Variants in LRRC7 observed in about 807,000 individuals in gnomAD.
The protein encoded by LRRC7 is leucine rich repeat containing 7, also known as leucine-rich repeat-containing protein 7.
A neutral mutation model predicts 175.7 loss-of-function variants in LRRC7; 23 were observed. The observed-to-expected ratio is 0.13, with a 90% CI of 0.09 to 0.19. The LOEUF (loss-of-function observed/expected upper bound fraction) is 0.19, where lower values mean the gene tolerates loss of function less well. LRRC7 is among the 10% of genes least tolerant of loss of function. The pLI is 1.00. For missense variants in LRRC7, 1,354 were observed against 1,904.7 expected, an observed-to-expected ratio of 0.71 and a Z score of 5.38; for synonymous variants, 685 against 680.9, an observed-to-expected ratio of 1.01 and a Z score of -0.09.
intron 1 of LRRC7, among the ~76,000 whole-genome samples, chr1:69,638,907 G>A (rs1653786320): frequency 6.6e-6 from 1 of 151,610 alleles, no homozygotes; most frequent in East Asian, 1.9e-4. Context: ...TGTTATAGCA[G>A]GTAGCCATCT....
In LRRC7 at chr1:70,138,412, CT is replaced by C. The variant is rs1284223806; in HGVS notation, c.*16532del. ...AGACATCATTATTCTACTTAAAAGT[CT>C]TTTTTTAAAATTCCAAATACTTGTG... On this transcript the variant is annotated 3_prime_UTR_variant, in exon 27 of 27. Coordinates refer to ENST00000651989, the MANE Select transcript of LRRC7 (RefSeq NM_001370785.2). 1.3e-5 allele frequency: 2 copies of C among 152,190 alleles called. No individual in the cohort carries two copies. Among genetic ancestry groups the C allele is most frequent in the South Asian group, 2.1e-4 (1 of 4,818 alleles). 9.4% of individuals were successfully genotyped at this position (152,190 alleles called of 1,614,324 possible).
intron 1 of LRRC7, among the ~76,000 whole-genome samples, chr1:69,625,999 T>C (rs7531826): frequency 0.64 from 95,418 of 149,190 alleles, 30,473 homozygotes; most frequent in East Asian, 0.95. Context: ...AATTTTGTTA[T>C]TGCTTGTTCA....
chr1:69,872,954 A>T (rs1309414306), intron 7 of LRRC7, among the ~76,000 whole-genome samples: 2 of 152,166 alleles, frequency 1.3e-5, no homozygotes, highest in Non-Finnish European at 2.9e-5. Flanking sequence ...TGGAGAAGAA[A>T]ATTTCATAGA....
chr1:69,803,951 T>C (rs1204951756), intron 4 of LRRC7, among the ~76,000 whole-genome samples: 1 of 151,408 alleles, frequency 6.6e-6, no homozygotes, highest in Admixed American at 6.6e-5. Flanking sequence ...TCTCAAATAG[T>C]ACTATTTTTG....
chr1:69,944,924 G>A (rs914833977), intron 8 of LRRC7, among the ~76,000 whole-genome samples: 13 of 151,842 alleles, frequency 8.6e-5, no homozygotes, highest in Non-Finnish European at 1.9e-4. Context: ...TATCAGATAT[G>A]TAGTTTGCAA....
chr1:70,130,206 G>T lies in LRRC7; in HGVS notation c.*8319G>T, dbSNP rs989670917. On this transcript the variant is annotated 3_prime_UTR_variant, in exon 27 of 27. Transcript: ENST00000651989. ...GAACTTTAAGCTTTTTGAGAGAGAG[G>T]ATCAGACAATACTTAACAAAGGACT... 1.3e-5 allele frequency: 2 copies of T among 152,140 alleles called. No individual in the cohort carries two copies. The highest frequency in any genetic ancestry group is 4.8e-5 in the African/African-American group (2 of 41,420). 9.4% of individuals were successfully genotyped at this position (152,140 alleles called of 1,614,324 possible). A position where few individuals can be genotyped will look rare whatever the true frequency, so the allele number is the denominator to read the frequency against.
chr1:69,711,210 G>C (rs1664712157), intron 2 of LRRC7, among the ~76,000 whole-genome samples: 2 of 152,212 alleles, frequency 1.3e-5, no homozygotes, highest in Admixed American at 6.5e-5. Flanking sequence ...GATAAACTGA[G>C]TGTGGCTGTT....
At chr1:69,687,506 T>C (rs1176113833) in intron 2 of LRRC7, among the ~76,000 whole-genome samples, 8 of 79,606 alleles carry the variant, frequency 1.0e-4, no homozygotes, top group Non-Finnish European at 1.6e-4. Flanking sequence ...CAAGACTCCA[T>C]CTCAAGAAAA....
chr1:70,089,903 G>A (rs568287743), intron 25 of LRRC7, 84 bp downstream of exon 25: 2 of 1,027,180 alleles, frequency 1.9e-6, no homozygotes, highest in Non-Finnish European at 2.9e-6. Flanking sequence ...AAATTCAAGT[G>A]TTTTTGTTGT....
chr1:69,770,296 G>A (rs571182363), intron 3 of LRRC7, among the ~76,000 whole-genome samples: 5 of 152,212 alleles, frequency 3.3e-5, no homozygotes, highest in Middle Eastern at 3.4e-3. Context: ...TCGATGCTTC[G>A]TTTCATTCAC....
At chr1:69,658,066 T>C (rs1409351791) in intron 1 of LRRC7, among the ~76,000 whole-genome samples, 1 of 151,878 alleles carries the variant, frequency 6.6e-6, no homozygotes, top group Non-Finnish European at 1.5e-5. Context: ...TAACAATATG[T>C]ATTCTTAGTA....
chr1:69,819,858 C>T (rs1247529381), intron 4 of LRRC7, among the ~76,000 whole-genome samples: 1 of 152,060 alleles, frequency 6.6e-6, no homozygotes, highest in Non-Finnish European at 1.5e-5. Context: ...GAAATAAGTA[C>T]AGATACTCCT....
intron 7 of LRRC7, among the ~76,000 whole-genome samples, chr1:69,912,936 T>C (rs1646577311): frequency 6.6e-6 from 1 of 152,296 alleles, no homozygotes; most frequent in Non-Finnish European, 1.5e-5. Flanking sequence ...AGGTTACTAA[T>C]GAAGTTACTT....
At chr1:69,882,207 T>C (rs1686689428) in intron 7 of LRRC7, among the ~76,000 whole-genome samples, 1 of 152,114 alleles carries the variant, frequency 6.6e-6, no homozygotes, top group Admixed American at 6.5e-5. Flanking sequence ...ATGGGTATTA[T>C]CAAGAAGACT....
chr1:70,095,962 GTTTTTTTTGT>G lies in LRRC7; in HGVS notation c.4545+6159_4545+6168del, dbSNP rs1558064489. Among the ~76,000 whole-genome samples the G allele has an allele frequency of 1.7e-4, 26 of 151,428 alleles. No homozygotes were observed. The South Asian group carries it at 5.4e-3, about 32-fold the overall frequency. On this transcript the variant is annotated intron_variant, in intron 25 of 26. Transcript: ENST00000651989. ...ACCAAAGTACACATATATGCATGTTGTTTTTTTTGTTTTTTTTTGTTTTTTGTTTTTTGAG... is the reference window on the plus strand; with the variant it reads ...ACCAAAGTACACATATATGCATGTTGTTTTTTTTGTTTTTTGTTTTTTGAG...
intron 1 of LRRC7, among the ~76,000 whole-genome samples, chr1:69,626,211 C>G (rs1362379820): frequency 6.6e-6 from 1 of 151,890 alleles, no homozygotes; most frequent in African/African-American, 2.4e-5. Flanking sequence ...GCTTGAGGAC[C>G]TTGATCTTAT....
At chr1:69,737,726 T>G (rs573519066) in intron 2 of LRRC7, among the ~76,000 whole-genome samples, 1 of 152,204 alleles carries the variant, frequency 6.6e-6, no homozygotes, top group African/African-American at 2.4e-5. Flanking sequence ...CCAGAACTCT[T>G]GCAAACCTGT....
chr1:69,807,162 A>G (rs1376721487), intron 4 of LRRC7, among the ~76,000 whole-genome samples: 1 of 151,928 alleles, frequency 6.6e-6, no homozygotes, highest in Non-Finnish European at 1.5e-5. Flanking sequence ...ATAGTCCTCC[A>G]TCTCTTTATT....
At chr1:69,760,134 C>A in intron 2 of LRRC7, 57 bp from the exon 3 acceptor site, 2 of 1,551,962 alleles carry the variant, frequency 1.3e-6, no homozygotes, top group East Asian at 2.3e-5. Flanking sequence ...TACAAGAATG[C>A]CTTCCAAGGG....
Sources: gnomAD v4.1 joint callset for allele counts (sites outside exome capture counted in the v4.1 genomes callset) on GRCh38, gnomAD v4.1.1 for gene constraint, MANE v1.5 for transcripts, NCBI Gene and HGNC (gene_info 2026-07-23, HGNC 2026-07-21) for gene names.